Variants in IGSF10 observed in about 807,000 individuals in gnomAD.
The protein encoded by IGSF10 is calvaria mechanical force protein 608.
In IGSF10, 126 loss-of-function variants were observed where a neutral mutation model predicts 128.2. The ratio of observed to expected loss-of-function variants is 0.98; its 90% CI spans 0.85 to 1.14. The LOEUF (loss-of-function observed/expected upper bound fraction) is 1.14, where lower values mean the gene tolerates loss of function less well. Among genes scored for constraint, IGSF10 ranks in the 50% most tolerant of loss-of-function variants. The probability of loss-of-function intolerance (pLI) is 0.00; values close to 1 mark genes in which losing one functional copy is unlikely to be tolerated. For missense variants in IGSF10, 3,295 were observed against 3,149.8 expected (o/e 1.05, Z -1.10); for synonymous variants, 1,185 against 1,146.2 (o/e 1.03, Z -0.68).
At chr3:151,567,682 G>A in the IGSF10 span, among the ~76,000 whole-genome samples, 2 of 152,078 alleles carry the variant, frequency 1.3e-5, no homozygotes, top group South Asian at 4.1e-4. Flanking sequence ...ATAGTTTCTT[G>A]CCCTAATCAG....
chr3:151,544,079 T>A, the IGSF10 span, among the ~76,000 whole-genome samples: 1 of 152,066 alleles, frequency 6.6e-6, no homozygotes, highest in African/African-American at 2.4e-5. Context: ...CTGGCTAATT[T>A]TGTATTTTTA....
At chr3:151,509,280 A>G in the IGSF10 span, among the ~76,000 whole-genome samples, 2 of 152,220 alleles carry the variant, frequency 1.3e-5, no homozygotes, top group African/African-American at 4.8e-5. Flanking sequence ...TAATCAGCCA[A>G]TACTAAATTG....
chr3:151,443,001 C>T lies in IGSF10; in HGVS notation c.5946G>A (p.Val1982=). 6.2e-7 allele frequency: 1 copy of T among 1,613,686 alleles called. No individual in the cohort carries two copies. Among genetic ancestry groups the T allele is most frequent in the Non-Finnish European group, 8.5e-7 (1 of 1,179,706 alleles). The change falls in exon 7 of 8, where the codon GTG becomes GTA. Residue 1982 remains valine (V), a synonymous_variant. Coordinates refer to ENST00000282466, the MANE Select transcript of IGSF10 (RefSeq NM_178822.5). ...AGACTTACCTATGCTGCTGGTCGACCACAGCCTTGGATGGTAACCTCCACA... is the reference window on the plus strand; with the variant it reads ...AGACTTACCTATGCTGCTGGTCGACTACAGCCTTGGATGGTAACCTCCACA... ...QIMWRLPSKA[V]VDQQHRVGSW...
the IGSF10 span, among the ~76,000 whole-genome samples, chr3:151,553,369 C>T: frequency 1.3e-5 from 2 of 151,980 alleles, no homozygotes; most frequent in African/African-American, 2.4e-5. Flanking sequence ...CATTAAATAA[C>T]ATTTTTATTT....
At chr3:151,459,237 C>T (rs1721942745) in intron 2 of IGSF10, among the ~76,000 whole-genome samples, 1 of 152,122 alleles carries the variant, frequency 6.6e-6, no homozygotes, top group African/African-American at 2.4e-5. Flanking sequence ...CCTTTTTCAT[C>T]TATTGTGTGT....
rs759251237 is a variant in IGSF10, at chr3:151,438,580, T to G, written c.5981A>C (p.His1994Pro). 1 of 1,612,962 alleles carries G rather than the reference T, an allele frequency of 6.2e-7. No individual in the cohort carries two copies. Among genetic ancestry groups the G allele is most frequent in the South Asian group, 1.1e-5 (1 of 90,956 alleles). Residue 1994 changes from histidine to proline, a missense_variant, in exon 8 of 8, where the codon CAC becomes CCC. His to Pro is a moderately conservative substitution (Grantham distance 77). Coordinates refer to ENST00000282466, the MANE Select transcript of IGSF10 (RefSeq NM_178822.5). The stretch of plus-strand genomic sequence containing the variant: ...AAACAGGGATCCATTAGGGTAGACG[T>G]GGATCCAGCTGCCCACTCTAAGGAG... ...DQQHRVGSWI[H>P]VYPNGSLFIG... is the part of the protein sequence containing the mutation.
the IGSF10 span, among the ~76,000 whole-genome samples, chr3:151,617,876 C>T: frequency 6.6e-6 from 1 of 152,108 alleles, no homozygotes; most frequent in Non-Finnish European, 1.5e-5. Context: ...GGTTAGTTAT[C>T]ACAAGAGTGA....
Position 151,443,614 on chromosome 3 carries a change from G to C in IGSF10, c.5333C>G (p.Thr1778Ser), listed in dbSNP as rs760720724. Reference sequence around the variant, plus strand: ...AACTGTTTGGTTTGCAAGAATCCAGGTAACTGTAGGGCTTGGCCTACCTTC... The same window carrying C: ...AACTGTTTGGTTTGCAAGAATCCAGCTAACTGTAGGGCTTGGCCTACCTTC... ...RAEGRPSPTVTWILANQTVVS... is the reference protein window; with the variant it reads ...RAEGRPSPTVSWILANQTVVS... The change falls in exon 7 of 8, where the codon ACC (threonine) becomes AGC (serine). Residue 1778 changes from threonine (T) to serine (S), a missense_variant. Thr to Ser is a moderately conservative substitution (Grantham distance 58). Transcript: ENST00000282466. 1 of 1,614,222 alleles carries C rather than the reference G, an allele frequency of 6.2e-7. No homozygotes were observed. Among genetic ancestry groups the C allele is most frequent in the Non-Finnish European group, 8.5e-7 (1 of 1,180,042 alleles).
chr3:151,527,404 C>T, the IGSF10 span, among the ~76,000 whole-genome samples: 1 of 152,168 alleles, frequency 6.6e-6, no homozygotes, highest in Non-Finnish European at 1.5e-5. Flanking sequence ...TGGCCCAATA[C>T]ATTTCTGAAG....
downstream of IGSF10, chr3:151,434,920 T>G (rs1202657273): frequency 6.6e-6 from 1 of 152,200 alleles, no homozygotes; most frequent in Non-Finnish European, 1.5e-5. Context: ...GGTGAGGAAG[T>G]TATGCTACGA....
In IGSF10 at chr3:151,446,275, G is replaced by C; in HGVS notation, c.3706C>G (p.Pro1236Ala). The C allele has an allele frequency of 6.2e-7, 1 of 1,614,054 alleles. No individual in the cohort carries two copies. The highest frequency in any genetic ancestry group is 1.1e-5 in the South Asian group (1 of 91,074). ...CTGGGTAAAGCAGGAGATGTTTTAGGAAGCATCACAGCTGTGCTTTTTTGT... is the reference window on the plus strand; with the variant it reads ...CTGGGTAAAGCAGGAGATGTTTTAGCAAGCATCACAGCTGTGCTTTTTTGT... Reference protein sequence around the residue: ...SLQKSTAVMLPKTSPALPRDK... With the variant: ...SLQKSTAVMLAKTSPALPRDK... The change falls in exon 6 of 8, where the codon CCT becomes GCT. Residue 1236 changes from proline to alanine, a missense_variant. By Grantham distance (27) the Pro-to-Ala change is conservative. Coordinates refer to ENST00000282466, the MANE Select transcript of IGSF10 (RefSeq NM_178822.5).
At chr3:151,542,475 C>T in the IGSF10 span, among the ~76,000 whole-genome samples, 3 of 152,148 alleles carry the variant, frequency 2.0e-5, no homozygotes, top group African/African-American at 4.8e-5. Context: ...TCACAGGCAT[C>T]GACTCTTCTC....
chr3:151,461,295 C>T (rs1722052033), upstream of IGSF10: 1 of 985,228 alleles, frequency 1.0e-6, no homozygotes, highest in African/African-American at 1.7e-5. Flanking sequence ...TCATTTCCTC[C>T]TTGACCTCTT....
chr3:151,493,479 T>C, the IGSF10 span, among the ~76,000 whole-genome samples: 581 of 152,272 alleles, frequency 3.8e-3, 2 homozygotes, highest in African/African-American at 0.013. Context: ...AACATATTCT[T>C]ACTGCCCTTT....
the IGSF10 span, among the ~76,000 whole-genome samples, chr3:151,545,538 T>C: frequency 6.6e-6 from 1 of 152,342 alleles, no homozygotes; most frequent in East Asian, 1.9e-4. Context: ...TCTGTGGTAC[T>C]TTTGACCATC....
the IGSF10 span, among the ~76,000 whole-genome samples, chr3:151,497,677 A>C: frequency 1.3e-5 from 2 of 152,166 alleles, no homozygotes. Flanking sequence ...TTGGTTCCAT[A>C]TGAACTTTAA....
chr3:151,438,202 T>C lies in IGSF10; in HGVS notation c.6359A>G (p.Tyr2120Cys), dbSNP rs767178288. Residue 2120 changes from tyrosine to cysteine, a missense_variant, in exon 8 of 8, where the codon TAT (tyrosine) becomes TGT (cysteine). Tyr to Cys is a radical substitution (Grantham distance 194, BLOSUM62 -2). Coordinates refer to ENST00000282466, the MANE Select transcript of IGSF10 (RefSeq NM_178822.5). Reference sequence around the variant, plus strand: ...ATCTTTCCCTAGGGTGTTCTGGGCATAGCAAGTATAATCTCCTTCCTCCGC... The same window carrying C: ...ATCTTTCCCTAGGGTGTTCTGGGCACAGCAAGTATAATCTCCTTCCTCCGC... Reference protein sequence around the residue: ...GVAEEGDYTCYAQNTLGKDEM... With the variant: ...GVAEEGDYTCCAQNTLGKDEM... The C allele has an allele frequency of 6.2e-7, 1 of 1,614,170 alleles. No individual in the cohort carries two copies. Among genetic ancestry groups the C allele is most frequent in the Non-Finnish European group, 8.5e-7 (1 of 1,180,020 alleles).
In IGSF10 at chr3:151,448,910, T is replaced by C. The variant is rs1435473869; in HGVS notation, c.1071A>G (p.Ser357=). The C allele has an allele frequency of 6.2e-7, 1 of 1,614,056 alleles. No homozygotes were observed. The highest frequency in any genetic ancestry group is 8.5e-7 in the Non-Finnish European group (1 of 1,180,046). The change falls in exon 6 of 8, where the codon TCA becomes TCG. Residue 357 remains serine, a synonymous_variant. Transcript: ENST00000282466. ...EENDYIVLNT[S]FSTFLVCNID... is the part of the protein sequence containing the mutation. ...TGTTGCACACCAAAAATGTTGAAAA[T>C]GAAGTATTTAGCACGATGTAGTCAT...
At chr3:151,513,019 G>A in the IGSF10 span, among the ~76,000 whole-genome samples, 5 of 152,088 alleles carry the variant, frequency 3.3e-5, no homozygotes, top group Non-Finnish European at 4.4e-5. Flanking sequence ...ATTAACAGCC[G>A]AATTCTACCA....
Sources: gnomAD v4.1 joint callset for allele counts (sites outside exome capture counted in the v4.1 genomes callset) on GRCh38, gnomAD v4.1.1 for gene constraint, MANE v1.5 for transcripts, NCBI Gene and HGNC (gene_info 2026-07-23, HGNC 2026-07-21) for gene names.